FARS2: variants seen among roughly 807,000 people sequenced by gnomAD.
FARS2 encodes phenylalanine--tRNA ligase, mitochondrial.
A neutral mutation model predicts 46.4 loss-of-function variants in FARS2; 40 were observed. The observed-to-expected ratio is 0.86, with a 90% CI of 0.67 to 1.12. FARS2 has a LOEUF of 1.12. FARS2 is among the 50% of genes most tolerant of loss of function. The pLI is 0.00. For missense variants in FARS2, 513 were observed against 567.9 expected, an observed-to-expected ratio of 0.90 and a Z score of 0.98; for synonymous variants, 234 against 214.9, an observed-to-expected ratio of 1.09 and a Z score of -0.78.
At chr6:5,265,441 A>G (rs1765487010) in intron 1 of FARS2, among the ~76,000 whole-genome samples, 1 of 152,182 alleles carries the variant, frequency 6.6e-6, no homozygotes, top group African/African-American at 2.4e-5. Context: ...TTCTTCCCTT[A>G]TGCATTGGCT....
intron 6 of FARS2, among the ~76,000 whole-genome samples, chr6:5,732,156 G>A (rs1422973227): frequency 6.6e-6 from 1 of 152,168 alleles, no homozygotes; most frequent in East Asian, 1.9e-4. Context: ...CACCTGCTAT[G>A]TACCAGCCAC....
In FARS2 at chr6:5,565,710, T is replaced by C. The variant is rs114296161; in HGVS notation, c.1065+20370T>C. The stretch of plus-strand genomic sequence containing the variant: ...ATTGGACATCATTTCGGCAATCTCA[T>C]GTGACTAAACATCTCAAATGATCCT... On this transcript the variant is annotated intron_variant, in intron 5 of 6. Transcript: ENST00000274680. 8.3e-3 allele frequency among the ~76,000 whole-genome samples: 1,263 copies of C among 152,330 alleles called. 9 individuals are homozygous for C. Among genetic ancestry groups the C allele is most frequent in the South Asian group, 0.017 (84 of 4,830 alleles).
intron 3 of FARS2, among the ~76,000 whole-genome samples, chr6:5,422,329 T>G (rs1445928809): frequency 6.6e-6 from 1 of 152,198 alleles, no homozygotes; most frequent in Non-Finnish European, 1.5e-5. Context: ...ATATCACCTT[T>G]TATCTTTCAA....
At chr6:5,271,594 G>A (rs547700250) in intron 1 of FARS2, among the ~76,000 whole-genome samples, 6 of 114,896 alleles carry the variant, frequency 5.2e-5, no homozygotes, top group African/African-American at 1.4e-4. Flanking sequence ...GCGGAGTCTC[G>A]CTCTGTCACC....
At chr6:5,770,119 G>A (rs1762957803) in intron 6 of FARS2, among the ~76,000 whole-genome samples, 2 of 152,176 alleles carry the variant, frequency 1.3e-5, no homozygotes, top group African/African-American at 4.8e-5. Flanking sequence ...GGAGGACCCT[G>A]GAAGCAAAGG....
intron 6 of FARS2, among the ~76,000 whole-genome samples, chr6:5,714,445 A>C (rs1204381827): frequency 1.3e-5 from 2 of 152,176 alleles, no homozygotes; most frequent in Non-Finnish European, 2.9e-5. Context: ...CCTCTAGCAC[A>C]GAGTCCATGA....
intron 1 of FARS2, among the ~76,000 whole-genome samples, chr6:5,367,388 T>G (rs1758754604): frequency 6.6e-6 from 1 of 152,136 alleles, no homozygotes; most frequent in Admixed American, 6.5e-5. Flanking sequence ...TGTAAATTAT[T>G]TGTGAACAAT....
At chr6:5,492,285 A>G (rs1464068690) in intron 4 of FARS2, among the ~76,000 whole-genome samples, 1 of 152,222 alleles carries the variant, frequency 6.6e-6, no homozygotes, top group Non-Finnish European at 1.5e-5. Context: ...TAATTTGTGT[A>G]TATATTACAA....
At chr6:5,568,036 A>G (rs181295822) in intron 5 of FARS2, among the ~76,000 whole-genome samples, 1 of 152,336 alleles carries the variant, frequency 6.6e-6, no homozygotes, top group East Asian at 1.9e-4. Context: ...GTTGTTGTGA[A>G]AAGAGATGAG....
intron 1 of FARS2, among the ~76,000 whole-genome samples, chr6:5,271,873 A>G (rs115414938): frequency 8.0e-4 from 122 of 152,234 alleles, no homozygotes; most frequent in African/African-American, 2.8e-3. Context: ...CTAGCTTTGC[A>G]TATAGTAAAT....
At chr6:5,428,573 T>C (rs116686002) in intron 3 of FARS2, among the ~76,000 whole-genome samples, 1 of 152,172 alleles carries the variant, frequency 6.6e-6, no homozygotes, top group Non-Finnish European at 1.5e-5. Context: ...AAAAGAAAGA[T>C]AGAAATTATT....
chr6:5,686,652 A>G (rs369702142), intron 6 of FARS2, among the ~76,000 whole-genome samples: 1 of 152,204 alleles, frequency 6.6e-6, no homozygotes, highest in Admixed American at 6.5e-5. Flanking sequence ...GAATAGTGCC[A>G]CAATAAACAT....
chr6:5,647,756 A>G (rs1391270932), intron 6 of FARS2, among the ~76,000 whole-genome samples: 1 of 152,244 alleles, frequency 6.6e-6, no homozygotes, highest in Non-Finnish European at 1.5e-5. Flanking sequence ...ATGCAAACAC[A>G]TGCTTTAACT....
At chr6:5,687,752 T>G (rs1015828262) in intron 6 of FARS2, among the ~76,000 whole-genome samples, 6 of 152,238 alleles carry the variant, frequency 3.9e-5, no homozygotes, top group Non-Finnish European at 5.9e-5. Context: ...CATTGGTAAC[T>G]TGATGGGTAT....
intron 6 of FARS2, among the ~76,000 whole-genome samples, chr6:5,701,217 T>C (rs560181904): frequency 6.6e-6 from 1 of 152,372 alleles, no homozygotes; most frequent in African/African-American, 2.4e-5. Flanking sequence ...TACCGGGCTC[T>C]GCCCCTAGCA....
chr6:5,522,850 A>C (rs1357254736), intron 4 of FARS2, among the ~76,000 whole-genome samples: 2 of 152,238 alleles, frequency 1.3e-5, no homozygotes, highest in Non-Finnish European at 2.9e-5. Flanking sequence ...TTAGTTTAAC[A>C]TGATGTGCTA....
At chr6:5,293,369 A>G (rs913314379) in intron 1 of FARS2, among the ~76,000 whole-genome samples, 2 of 152,208 alleles carry the variant, frequency 1.3e-5, no homozygotes, top group Non-Finnish European at 2.9e-5. Flanking sequence ...TTGCATCCAC[A>G]TAGGATGTGA....
At chr6:5,532,777 T>TAAGAAG (rs573860204) in intron 4 of FARS2, among the ~76,000 whole-genome samples, 19 of 143,458 alleles carry the variant, frequency 1.3e-4, no homozygotes, top group South Asian at 8.6e-4. Flanking sequence ...ATAATAATAA[T>TAAGAAG]AATAATAAGA....
At chr6:5,270,139 T>C (rs1054201193) in intron 1 of FARS2, among the ~76,000 whole-genome samples, 2 of 152,170 alleles carry the variant, frequency 1.3e-5, no homozygotes, top group Admixed American at 1.3e-4. Context: ...AATTCTGCAG[T>C]GCAAAGGGAA....
Sources: gnomAD v4.1 joint callset for allele counts (sites outside exome capture counted in the v4.1 genomes callset) on GRCh38, gnomAD v4.1.1 for gene constraint, MANE v1.5 for transcripts, NCBI Gene and HGNC (gene_info 2026-07-23, HGNC 2026-07-21) for gene names.